ADTRP: variants seen among roughly 807,000 people sequenced by gnomAD.
ADTRP encodes the protein androgen-dependent TFPI-regulating protein.
A neutral mutation model predicts 27.0 loss-of-function variants in ADTRP; 20 were observed. The observed-to-expected ratio is 0.74, with a 90% CI of 0.52 to 1.08. ADTRP has a LOEUF of 1.08. Ranked by LOEUF, ADTRP falls within the 50% of genes least tolerant of loss-of-function variation. ADTRP has a pLI of 0.00. For missense variants in ADTRP, 251 were observed against 275.0 expected (o/e 0.91, Z 0.62); for synonymous variants, 101 against 105.2 (o/e 0.96, Z 0.25).
Position 11,758,464 on chromosome 6 carries a change from G to A in ADTRP, c.390+7810C>T, listed in dbSNP as rs528221778. On this transcript the variant is annotated intron_variant, in intron 3 of 5. Coordinates refer to ENST00000414691, the MANE Select transcript of ADTRP (RefSeq NM_032744.4). ...TTTTTTTCATTCTCAGCAAACTATC[G>A]CAAGGACAAAAAACCAAACACCGCA... Among the ~76,000 whole-genome samples, 25 of 146,572 alleles carry A rather than the reference G, an allele frequency of 1.7e-4. No individual in the cohort carries two copies. In the South Asian group the frequency reaches 2.8e-3, roughly 16 times the overall value.
At chr6:11,753,200 C>T (rs924073272) in intron 3 of ADTRP, among the ~76,000 whole-genome samples, 1 of 152,230 alleles carries the variant, frequency 6.6e-6, no homozygotes. Context: ...CTCCTCCTCA[C>T]ACCAATCTGA....
Position 11,757,507 on chromosome 6 carries a change from C to T in ADTRP, c.390+8767G>A, listed in dbSNP as rs953636885. Reference sequence around the variant, plus strand: ...TAACTGTACTAGGTTAAATAGTGTCCTCAAAATTCATGTCATTCCTGGAAT... The same window carrying T: ...TAACTGTACTAGGTTAAATAGTGTCTTCAAAATTCATGTCATTCCTGGAAT... On this transcript the variant is annotated intron_variant, in intron 3 of 5. Coordinates refer to ENST00000414691, the MANE Select transcript of ADTRP (RefSeq NM_032744.4). Among the ~76,000 whole-genome samples the T allele has an allele frequency of 3.3e-5, 5 of 152,230 alleles. No individual in the cohort carries two copies. The South Asian group carries it at 8.3e-4, about 25-fold the overall frequency.
chr6:11,760,047 C>A (rs543950420), intron 3 of ADTRP, among the ~76,000 whole-genome samples: 1 of 152,316 alleles, frequency 6.6e-6, no homozygotes, highest in South Asian at 2.1e-4. Context: ...CCCATACAAT[C>A]CATTTTGAAC....
intron 2 of ADTRP, among the ~76,000 whole-genome samples, chr6:11,767,208 C>T (rs1006362919): frequency 2.6e-5 from 4 of 152,038 alleles, no homozygotes; most frequent in African/African-American, 7.2e-5. Context: ...CATGTCTCTA[C>T]CAAAAATACA....
At chr6:11,722,359 C>T (rs1299939789) in intron 5 of ADTRP, among the ~76,000 whole-genome samples, 5 of 152,304 alleles carry the variant, frequency 3.3e-5, no homozygotes, top group Middle Eastern at 3.4e-3. Context: ...GGTACTGAAC[C>T]TTCTGAAACT....
chr6:11,778,463 C>CA, intron 1 of ADTRP, 144 bp downstream of exon 1: 2 of 1,208,518 alleles, frequency 1.7e-6, no homozygotes, highest in Non-Finnish European at 2.3e-6. Context: ...GTTAAGTAAA[C>CA]AAAAAACCCA....
chr6:11,741,591 T>C (rs1762715551), intron 3 of ADTRP, among the ~76,000 whole-genome samples: 1 of 152,218 alleles, frequency 6.6e-6, no homozygotes, highest in African/African-American at 2.4e-5. Flanking sequence ...TGCTGTCCTT[T>C]GGGTTAATAT....
chr6:11,775,792 G>A (rs1387511138), intron 1 of ADTRP, among the ~76,000 whole-genome samples: 1 of 152,124 alleles, frequency 6.6e-6, no homozygotes, highest in African/African-American at 2.4e-5. Flanking sequence ...GTGCCAACTG[G>A]CACAAAAGGG....
intron 4 of ADTRP, among the ~76,000 whole-genome samples, chr6:11,725,585 A>G (rs1762163772): frequency 6.6e-6 from 1 of 152,208 alleles, no homozygotes; most frequent in African/African-American, 2.4e-5. Flanking sequence ...TGTTGGTAGG[A>G]ATGGAAGATG....
intron 2 of ADTRP, among the ~76,000 whole-genome samples, chr6:11,767,190 G>A (rs1308472414): frequency 6.6e-6 from 1 of 152,160 alleles, no homozygotes; most frequent in Admixed American, 6.5e-5. Flanking sequence ...TGGGCGACAT[G>A]GCAAAACCAT....
At chr6:11,737,025 G>A (rs914439472) in intron 3 of ADTRP, among the ~76,000 whole-genome samples, 2 of 151,918 alleles carry the variant, frequency 1.3e-5, no homozygotes, top group Admixed American at 1.3e-4. Flanking sequence ...ACATAATCAA[G>A]GAAATAACTT....
At chr6:11,755,343 A>G (rs1414770307) in intron 3 of ADTRP, among the ~76,000 whole-genome samples, 2 of 152,106 alleles carry the variant, frequency 1.3e-5, no homozygotes, top group Non-Finnish European at 2.9e-5. Flanking sequence ...AAAATATGCT[A>G]CTCTTGAGCA....
At chr6:11,745,212 ATG>A (rs1408676562) in intron 3 of ADTRP, among the ~76,000 whole-genome samples, 1 of 149,258 alleles carries the variant, frequency 6.7e-6, no homozygotes, top group African/African-American at 2.5e-5. Context: ...GTGTGTGTGT[ATG>A]TGTGTGTGTA....
chr6:11,741,118 A>T (rs1009447111), intron 3 of ADTRP, among the ~76,000 whole-genome samples: 3 of 152,196 alleles, frequency 2.0e-5, no homozygotes, highest in Non-Finnish European at 4.4e-5. Flanking sequence ...CCACCCACAG[A>T]AAGAGCCACT....
chr6:11,723,318 G>C (rs761446684), intron 5 of ADTRP, 31 bp downstream of exon 5: 2 of 1,609,294 alleles, frequency 1.2e-6, no homozygotes, highest in Non-Finnish European at 1.7e-6. Flanking sequence ...CGGAAGAAGC[G>C]CATCTGTAGC....
At chr6:11,716,593 T>C (rs943481193) in intron 5 of ADTRP, among the ~76,000 whole-genome samples, 2 of 152,196 alleles carry the variant, frequency 1.3e-5, no homozygotes, top group Non-Finnish European at 2.9e-5. Flanking sequence ...ATGTTTCTTT[T>C]TGCTTCTAGC....
intron 4 of ADTRP, among the ~76,000 whole-genome samples, chr6:11,731,253 T>C (rs574870877): frequency 9.2e-5 from 14 of 152,362 alleles, no homozygotes; most frequent in African/African-American, 3.4e-4. Flanking sequence ...AAGTACATAA[T>C]GTGCTGGCTA....
intron 4 of ADTRP, among the ~76,000 whole-genome samples, chr6:11,729,249 A>T (rs772016340): frequency 1.8e-4 from 28 of 152,132 alleles, no homozygotes; most frequent in Non-Finnish European, 3.1e-4. Context: ...AAACAGAAAG[A>T]GTCAGGAGAA....
intron 3 of ADTRP, among the ~76,000 whole-genome samples, chr6:11,742,643 G>A (rs529969461): frequency 9.2e-5 from 14 of 152,258 alleles, no homozygotes; most frequent in Non-Finnish European, 1.8e-4. Context: ...TCATTTTAGC[G>A]AGACTAAGCC....
Sources: allele counts gnomAD v4.1 joint callset (sites outside exome capture counted in the v4.1 genomes callset), GRCh38; gene constraint gnomAD v4.1.1; transcripts MANE v1.5; gene names NCBI Gene and HGNC (gene_info 2026-07-23, HGNC 2026-07-21).